Variants in DNAH11 observed in about 807,000 individuals in gnomAD.
DNAH11 encodes dynein axonemal heavy chain 11.
A neutral mutation model predicts 526.0 loss-of-function variants in DNAH11; 442 were observed. The observed-to-expected ratio is 0.84, with a 90% CI of 0.78 to 0.91. The LOEUF (loss-of-function observed/expected upper bound fraction) is 0.91. Among genes scored for constraint, DNAH11 ranks in the 40% least tolerant of loss-of-function variants. DNAH11 has a pLI of 0.00. For synonymous variants in DNAH11, 2,461 were observed against 1,935.9 expected, an observed-to-expected ratio of 1.27 and a Z score of -7.12; for missense variants, 6,989 against 5,448.7, an observed-to-expected ratio of 1.28 and a Z score of -8.90.
intron 14 of DNAH11, among the ~76,000 whole-genome samples, chr7:21,598,104 C>T (rs1784933767): frequency 6.6e-6 from 1 of 152,180 alleles, no homozygotes; most frequent in African/African-American, 2.4e-5. Flanking sequence ...CAACATAACA[C>T]CTTTGCATCC....
chr7:21,829,197 G>GA (rs1456124037), intron 65 of DNAH11, among the ~76,000 whole-genome samples: 1 of 152,092 alleles, frequency 6.6e-6, no homozygotes, highest in East Asian at 1.9e-4. Flanking sequence ...GATGTCCATT[G>GA]AAAAGTTTAT....
At chr7:21,651,701 T>A (rs1309440991) in intron 28 of DNAH11, among the ~76,000 whole-genome samples, 1 of 152,276 alleles carries the variant, frequency 6.6e-6, no homozygotes, top group Non-Finnish European at 1.5e-5. Context: ...CTGATATTTA[T>A]GAATTTCAGT....
chr7:21,743,723 A>G (rs969281682), intron 49 of DNAH11, among the ~76,000 whole-genome samples: 3 of 152,228 alleles, frequency 2.0e-5, no homozygotes, highest in African/African-American at 7.2e-5. Flanking sequence ...TTTTAATCTC[A>G]GAAGGAAAGG....
intron 34 of DNAH11, among the ~76,000 whole-genome samples, chr7:21,689,884 A>C (rs1008743722): frequency 6.6e-6 from 1 of 151,952 alleles, no homozygotes; most frequent in Non-Finnish European, 1.5e-5. Flanking sequence ...GTTTCCCTCT[A>C]CCTGTCTCTC....
chr7:21,871,014 G>T (rs1043546375), intron 73 of DNAH11, among the ~76,000 whole-genome samples: 1 of 152,154 alleles, frequency 6.6e-6, no homozygotes, highest in Non-Finnish European at 1.5e-5. Context: ...TTGTTATACT[G>T]TTCATAATTT....
At chr7:21,744,768 A>G in intron 50 of DNAH11, 102 bp from the exon 51 acceptor site, 26 of 1,437,336 alleles carry the variant, frequency 1.8e-5, no homozygotes, top group Admixed American at 2.5e-5. Flanking sequence ...CCACCTACCC[A>G]TGTGTGGGTC....
chr7:21,765,656 A>G (rs1013127026), intron 55 of DNAH11, 67 bp downstream of exon 55: 11 of 1,230,224 alleles, frequency 8.9e-6, no homozygotes, highest in South Asian at 3.2e-5. Flanking sequence ...ACACACACAC[A>G]CACTCTGAAA....
intron 76 of DNAH11, 54 bp downstream of exon 76, chr7:21,884,464 G>T: frequency 6.6e-7 from 1 of 1,524,412 alleles, no homozygotes; most frequent in Non-Finnish European, 8.9e-7. Context: ...AAAAAATTCT[G>T]GTAAGAATTT....
chr7:21,856,928 G>A (rs1326003558), intron 68 of DNAH11, among the ~76,000 whole-genome samples: 1 of 152,170 alleles, frequency 6.6e-6, no homozygotes, highest in African/African-American at 2.4e-5. Flanking sequence ...AACAAGACAA[G>A]GATATCTTTC....
chr7:21,866,363 A>C (rs1583789781), intron 70 of DNAH11, 107 bp from the exon 71 acceptor site: 1 of 1,113,724 alleles, frequency 9.0e-7, no homozygotes, highest in Admixed American at 2.6e-5. Flanking sequence ...AGTGAATACT[A>C]TCCAGCACAG....
intron 68 of DNAH11, among the ~76,000 whole-genome samples, chr7:21,860,829 T>G (rs576631833): frequency 3.9e-5 from 6 of 152,248 alleles, no homozygotes; most frequent in African/African-American, 1.2e-4. Flanking sequence ...TGGGGAGGCC[T>G]CACAATCATG....
intron 65 of DNAH11, among the ~76,000 whole-genome samples, chr7:21,823,133 C>A (rs994075181): frequency 1.3e-5 from 2 of 151,924 alleles, no homozygotes; most frequent in African/African-American, 4.8e-5. Context: ...TTGATGTAAT[C>A]CCATTTGTAT....
At chr7:21,741,099 A>T (rs1008923577) in intron 48 of DNAH11, among the ~76,000 whole-genome samples, 4 of 152,222 alleles carry the variant, frequency 2.6e-5, no homozygotes, top group African/African-American at 7.2e-5. Flanking sequence ...AAGAAGCCTC[A>T]ATGTATTCTG....
chr7:21,704,491 C>T lies in DNAH11; in HGVS notation c.6331C>T (p.Pro2111Ser), dbSNP rs1315985362. The stretch of plus-strand genomic sequence containing the variant: ...GCCCAAAATAGTGACTGACGACATC[C>T]CAGTGTTTCTGGGCCTGGTCGGTGA... ...NMPKIVTDDI[P>S]VFLGLVGDLF... The change falls in exon 38 of 82, where the codon CCA (proline) becomes TCA (serine). Residue 2111 changes from proline (P) to serine (S), a missense_variant. Transcript: ENST00000409508. The T allele has an allele frequency of 1.9e-6, 3 of 1,613,740 alleles. No individual in the cohort carries two copies. Among genetic ancestry groups the T allele is most frequent in the Non-Finnish European group, 2.5e-6 (3 of 1,179,812 alleles).
chr7:21,691,271 T>C (rs1783612039), intron 35 of DNAH11, among the ~76,000 whole-genome samples: 1 of 151,364 alleles, frequency 6.6e-6, no homozygotes, highest in Non-Finnish European at 1.5e-5. Context: ...TGGTGCTGGC[T>C]CATTTTTGCT....
At chr7:21,622,766 T>C (rs2128455327) in intron 25 of DNAH11, among the ~76,000 whole-genome samples, 1 of 152,332 alleles carries the variant, frequency 6.6e-6, no homozygotes, top group African/African-American at 2.4e-5. Context: ...GCTAGCCATA[T>C]GTAGAAAGCT....
rs144895955 is a variant in DNAH11, at chr7:21,620,347, C to G, written c.4500+269C>G. Reference sequence around the variant, plus strand: ...ACTAAAGCTTATTCCTCCTGTCTAACTGAAAATTTGTACCCTTTGATCAAC... The same window carrying G: ...ACTAAAGCTTATTCCTCCTGTCTAAGTGAAAATTTGTACCCTTTGATCAAC... On this transcript the variant is annotated intron_variant, in intron 25 of 81. Transcript: ENST00000409508. 8.2e-3 allele frequency among the ~76,000 whole-genome samples: 1,244 copies of G among 152,216 alleles called. 14 individuals are homozygous for G. Among genetic ancestry groups the G allele is most frequent in the African/African-American group, 0.028 (1,149 of 41,558 alleles).
chr7:21,727,688 T>G (rs1785188605), intron 45 of DNAH11, among the ~76,000 whole-genome samples: 2 of 152,218 alleles, frequency 1.3e-5, no homozygotes, highest in South Asian at 4.1e-4. Flanking sequence ...GCTGTATGAG[T>G]GGCATATAGG....
intron 61 of DNAH11, among the ~76,000 whole-genome samples, chr7:21,795,258 G>A (rs143037004): frequency 6.2e-4 from 94 of 152,242 alleles, no homozygotes; most frequent in African/African-American, 2.1e-3. Flanking sequence ...TTTGGTGTGC[G>A]GATCCTAGTA....
Sources: gnomAD v4.1 joint callset for allele counts (sites outside exome capture counted in the v4.1 genomes callset) on GRCh38, gnomAD v4.1.1 for gene constraint, MANE v1.5 for transcripts, NCBI Gene and HGNC (gene_info 2026-07-23, HGNC 2026-07-21) for gene names.